The following NME7 variants were observed in gnomAD, a reference collection of about 807,000 sequenced individuals.
NME7 encodes the protein NME/NM23 family member 7.
Under a neutral mutation model 49.1 loss-of-function variants are expected in NME7, and 41 were observed. The ratio of observed to expected loss-of-function variants is 0.83; its 90% CI spans 0.65 to 1.08. The LOEUF is 1.08. NME7 is among the 50% of genes least tolerant of loss of function. NME7 has a pLI of 0.00. For synonymous variants in NME7, 139 were observed against 150.6 expected (o/e 0.92, Z 0.56); for missense variants, 423 against 463.4 (o/e 0.91, Z 0.80).
chr1:169,291,306 T>C (rs1436303766), intron 6 of NME7, among the ~76,000 whole-genome samples: 3 of 152,104 alleles, frequency 2.0e-5, no homozygotes, highest in African/African-American at 2.4e-5. Flanking sequence ...GGGGCACATA[T>C]ACAGCATAGA....
intron 6 of NME7, among the ~76,000 whole-genome samples, chr1:169,291,233 C>A (rs1401397008): frequency 1.3e-5 from 2 of 152,116 alleles, no homozygotes; most frequent in Non-Finnish European, 2.9e-5. Flanking sequence ...CAGCACTATT[C>A]ACAATAGCAA....
chr1:169,240,451 T>C (rs1262696653), intron 7 of NME7, among the ~76,000 whole-genome samples: 1 of 152,080 alleles, frequency 6.6e-6, no homozygotes, highest in African/African-American at 2.4e-5. Flanking sequence ...TAGTGGAATA[T>C]TTTAATAATC....
At chr1:169,197,041 A>T (rs1660399071) in intron 10 of NME7, among the ~76,000 whole-genome samples, 1 of 152,144 alleles carries the variant, frequency 6.6e-6, no homozygotes, top group Non-Finnish European at 1.5e-5. Flanking sequence ...TCTTAAGCTG[A>T]GTGAGTGACC....
chr1:169,169,631 G>A lies in NME7; in HGVS notation c.991-77C>T, dbSNP rs573310170. 793 of 1,238,942 alleles carry A rather than the reference G, an allele frequency of 6.4e-4. 2 individuals are homozygous for A. The highest frequency in any genetic ancestry group is 8.5e-4 in the Non-Finnish European group (726 of 854,412). The allele number at this position is 1,238,942 out of a possible 1,614,324, so 76.7% of individuals were successfully genotyped here. On this transcript the variant is annotated intron_variant, in intron 10 of 11. Transcript: ENST00000367811. ...AAGAAAAACACTAGCTATATGAAAC[G>A]CTAACTTATTTATGAAATACATGTT... is the stretch of plus-strand genomic sequence containing the variant.
At chr1:169,151,574 GT>G (rs1204193840) in intron 11 of NME7, among the ~76,000 whole-genome samples, 1 of 152,112 alleles carries the variant, frequency 6.6e-6, no homozygotes, top group African/African-American at 2.4e-5. Context: ...ACCTCCGCTA[GT>G]CCCCCCCAGG....
chr1:169,154,628 T>C (rs1659012446), intron 11 of NME7, among the ~76,000 whole-genome samples: 1 of 151,794 alleles, frequency 6.6e-6, no homozygotes, highest in Non-Finnish European at 1.5e-5. Flanking sequence ...TAAAACACCG[T>C]CTCTACTAAA....
At position 169,137,242 on chromosome 1, in the gene NME7, T is replaced by C. The variant is rs530787359; in HGVS notation, c.1099-4425A>G. Among the ~76,000 whole-genome samples, 12 of 152,330 alleles carry C rather than the reference T, an allele frequency of 7.9e-5. No homozygotes were observed. The East Asian group carries it at 2.3e-3, about 29-fold the overall frequency. ...ACGGGGCCACATGCCTAGAAGAGCC[T>C]TGTGTTTGGTTTAATGCTCTGCTGC... On this transcript the variant is annotated intron_variant, in intron 11 of 11. Coordinates refer to ENST00000367811, the MANE Select transcript of NME7 (RefSeq NM_013330.5).
At chr1:169,151,099 G>C (rs1658900910) in intron 11 of NME7, among the ~76,000 whole-genome samples, 1 of 152,200 alleles carries the variant, frequency 6.6e-6, no homozygotes. Context: ...TTGACTGCTG[G>C]ATTGGAGCAT....
chr1:169,150,319 A>G (rs1658877215), intron 11 of NME7, among the ~76,000 whole-genome samples: 1 of 152,206 alleles, frequency 6.6e-6, no homozygotes, highest in Admixed American at 6.5e-5. Context: ...AAGCTAGTCT[A>G]TCTGTATACT....
intron 1 of NME7, among the ~76,000 whole-genome samples, chr1:169,339,693 G>C (rs1312193633): frequency 6.6e-6 from 1 of 152,098 alleles, no homozygotes; most frequent in Non-Finnish European, 1.5e-5. Flanking sequence ...TTTTCCATTT[G>C]TCTCTCCAGA....
chr1:169,360,990 T>C (rs1653631677), intron 1 of NME7, among the ~76,000 whole-genome samples: 1 of 152,202 alleles, frequency 6.6e-6, no homozygotes, highest in Non-Finnish European at 1.5e-5. Context: ...CATTTTTCTT[T>C]TGTAATCCAA....
intron 10 of NME7, among the ~76,000 whole-genome samples, chr1:169,184,899 T>C (rs911942518): frequency 5.3e-5 from 8 of 152,130 alleles, no homozygotes; most frequent in African/African-American, 1.9e-4. Flanking sequence ...GAGCATAGAA[T>C]TGGAAAGTGA....
chr1:169,210,751 G>T (rs1660788271), intron 10 of NME7, among the ~76,000 whole-genome samples: 1 of 152,074 alleles, frequency 6.6e-6, no homozygotes, highest in Non-Finnish European at 1.5e-5. Flanking sequence ...CAGGGGATGG[G>T]GAGGAGGTTC....
chr1:169,329,276 T>A (rs1177020160), intron 1 of NME7, among the ~76,000 whole-genome samples: 2 of 152,054 alleles, frequency 1.3e-5, no homozygotes, highest in Non-Finnish European at 2.9e-5. Context: ...AACTTCCTTG[T>A]TCCTAAATAT....
At chr1:169,233,841 T>C (rs372356719) in intron 9 of NME7, among the ~76,000 whole-genome samples, 3 of 152,104 alleles carry the variant, frequency 2.0e-5, no homozygotes, top group African/African-American at 7.2e-5. Flanking sequence ...CATGAACAAG[T>C]TTTCCAAAAA....
At position 169,342,930 on chromosome 1, in the gene NME7, A is replaced by T. The variant is rs183521925; in HGVS notation, c.4-18430T>A. 1.9e-5 allele frequency among the ~76,000 whole-genome samples: 2 copies of T among 104,562 alleles called. 1 individual carries two copies. The highest frequency in any genetic ancestry group is 3.7e-3 in the East Asian group (2 of 542). 68.6% of individuals were successfully genotyped at this position (104,562 alleles called of 152,430 possible). ...TATATAGTGTATATATATATATACA[A>T]GTACATATATATACTTGTATTAGTA... On this transcript the variant is annotated intron_variant, in intron 1 of 11. Coordinates refer to ENST00000367811, the MANE Select transcript of NME7 (RefSeq NM_013330.5).
chr1:169,293,496 C>T (rs1374498934), intron 6 of NME7, among the ~76,000 whole-genome samples: 2 of 152,144 alleles, frequency 1.3e-5, no homozygotes, highest in African/African-American at 2.4e-5. Flanking sequence ...ACCAACTTCT[C>T]ATTATATTTG....
chr1:169,361,792 A>G (rs1027018807), intron 1 of NME7, among the ~76,000 whole-genome samples: 6 of 152,068 alleles, frequency 3.9e-5, no homozygotes, highest in Non-Finnish European at 7.4e-5. Context: ...AAAAAAAAAA[A>G]AGGCAGGTGC....
At chr1:169,330,101 C>T (rs1331582557) in intron 1 of NME7, among the ~76,000 whole-genome samples, 3 of 151,602 alleles carry the variant, frequency 2.0e-5, no homozygotes, top group African/African-American at 7.3e-5. Context: ...GTTAAAATAT[C>T]CTTCAAACAT....
Sources: allele counts gnomAD v4.1 joint callset (sites outside exome capture counted in the v4.1 genomes callset), GRCh38; gene constraint gnomAD v4.1.1; transcripts MANE v1.5; gene names NCBI Gene and HGNC (gene_info 2026-07-23, HGNC 2026-07-21).